RAB31: variants seen among roughly 807,000 people sequenced by gnomAD.
The protein encoded by RAB31 is ras-related protein Rab-31.
A neutral mutation model predicts 25.6 loss-of-function variants in RAB31; 21 were observed. The ratio of observed to expected loss-of-function variants is 0.82; its 90% CI spans 0.58 to 1.18. RAB31 has a LOEUF of 1.18. Among genes scored for constraint, RAB31 ranks in the 50% most tolerant of loss-of-function variants. The pLI is 0.00. For missense variants in RAB31, 196 were observed against 250.1 expected, an observed-to-expected ratio of 0.78 and a Z score of 1.46; for synonymous variants, 87 against 84.0, an observed-to-expected ratio of 1.04 and a Z score of -0.20.
chr18:9,762,262 A>G (rs911019996), intron 1 of RAB31, among the ~76,000 whole-genome samples: 1 of 152,216 alleles, frequency 6.6e-6, no homozygotes, highest in Non-Finnish European at 1.5e-5. Flanking sequence ...GCCTACTGCA[A>G]TTGTCATGAT....
chr18:9,722,802 A>G (rs2068079646), intron 1 of RAB31: 1 of 152,230 alleles, frequency 6.6e-6, no homozygotes, highest in African/African-American at 2.4e-5. Flanking sequence ...GACTCTGGAC[A>G]AGGACAAGGA....
At chr18:9,818,488 A>G (rs770860851) in intron 5 of RAB31, among the ~76,000 whole-genome samples, 3 of 152,162 alleles carry the variant, frequency 2.0e-5, no homozygotes, top group Non-Finnish European at 4.4e-5. Context: ...TTTTGTGACC[A>G]TCTTCTTTCA....
intron 1 of RAB31, among the ~76,000 whole-genome samples, chr18:9,765,575 C>A (rs1475377396): frequency 6.6e-6 from 1 of 152,142 alleles, no homozygotes; most frequent in African/African-American, 2.4e-5. Flanking sequence ...GCATAATTGT[C>A]CCTCTGGTGA....
At chr18:9,716,870 GAGTAGC>G (rs1599009346) in intron 1 of RAB31, among the ~76,000 whole-genome samples, 1 of 144,508 alleles carries the variant, frequency 6.9e-6, no homozygotes, top group Non-Finnish European at 1.5e-5. Flanking sequence ...TCAGCTTCCT[GAGTAGC>G]TGGGACTACA....
At chr18:9,784,117 C>T (rs193045316) in intron 2 of RAB31, among the ~76,000 whole-genome samples, 1 of 152,234 alleles carries the variant, frequency 6.6e-6, no homozygotes, top group Non-Finnish European at 1.5e-5. Flanking sequence ...GCTCACTGTA[C>T]CCTTGACCTC....
chr18:9,736,034 A>T (rs1489152640), intron 1 of RAB31, among the ~76,000 whole-genome samples: 2 of 151,976 alleles, frequency 1.3e-5, no homozygotes, highest in Non-Finnish European at 2.9e-5. Flanking sequence ...ATGGGGTCTC[A>T]CTAGGTTGCC....
intron 1 of RAB31, among the ~76,000 whole-genome samples, chr18:9,714,807 C>T (rs2068035915): frequency 6.6e-6 from 1 of 152,200 alleles, no homozygotes; most frequent in Admixed American, 6.5e-5. Flanking sequence ...GACACGAACA[C>T]ACCAGCAGTG....
chr18:9,832,342 A>C (rs2068682872), intron 5 of RAB31, among the ~76,000 whole-genome samples: 1 of 152,190 alleles, frequency 6.6e-6, no homozygotes, highest in Non-Finnish European at 1.5e-5. Context: ...TGAGCTTCTG[A>C]AAACAAGTGT....
At chr18:9,784,342 A>G (rs1396926423) in intron 2 of RAB31, among the ~76,000 whole-genome samples, 2 of 151,480 alleles carry the variant, frequency 1.3e-5, no homozygotes, top group Admixed American at 1.3e-4. Context: ...GCTCGGCTCT[A>G]CTTTTTAAAA....
chr18:9,755,389 C>T (rs2068255782), intron 1 of RAB31, among the ~76,000 whole-genome samples: 1 of 152,294 alleles, frequency 6.6e-6, no homozygotes, highest in East Asian at 1.9e-4. Context: ...TGCCCTTGGC[C>T]TTACCCTCTG....
intron 1 of RAB31, among the ~76,000 whole-genome samples, chr18:9,731,014 G>A (rs1011609493): frequency 1.3e-5 from 2 of 152,202 alleles, no homozygotes; most frequent in Non-Finnish European, 2.9e-5. Context: ...TACATGCTAA[G>A]TCAGAACCAC....
At chr18:9,721,937 C>T (rs965649204) in intron 1 of RAB31, among the ~76,000 whole-genome samples, 3 of 152,112 alleles carry the variant, frequency 2.0e-5, no homozygotes, top group African/African-American at 7.2e-5. Context: ...AAGGAGGCAT[C>T]TGAGTGAAGA....
At chr18:9,765,440 T>A (rs999651497) in intron 1 of RAB31, among the ~76,000 whole-genome samples, 1 of 152,192 alleles carries the variant, frequency 6.6e-6, no homozygotes. Context: ...AAAAGGAATC[T>A]TATAGAATGG....
chr18:9,854,000 T>C (rs527506245), intron 6 of RAB31, among the ~76,000 whole-genome samples: 15 of 147,752 alleles, frequency 1.0e-4, no homozygotes, highest in South Asian at 4.3e-4. Context: ...CCAGGATACA[T>C]ATGCAGAACA....
At chr18:9,751,521 C>G (rs2068234972) in intron 1 of RAB31, among the ~76,000 whole-genome samples, 1 of 152,202 alleles carries the variant, frequency 6.6e-6, no homozygotes, top group African/African-American at 2.4e-5. Context: ...TGGCTAGAGG[C>G]AGGACTTGGA....
chr18:9,803,360 C>G (rs947785659), intron 3 of RAB31, among the ~76,000 whole-genome samples: 12 of 152,072 alleles, frequency 7.9e-5, no homozygotes, highest in Admixed American at 5.9e-4. Flanking sequence ...CTTAACCTCC[C>G]GAGTAGCTGG....
chr18:9,842,408 C>T (rs1453402196), intron 5 of RAB31, among the ~76,000 whole-genome samples: 1 of 152,126 alleles, frequency 6.6e-6, no homozygotes, highest in Non-Finnish European at 1.5e-5. Flanking sequence ...TCAAGAATAC[C>T]AGAAGACACT....
At chr18:9,819,260 C>T (rs992588702) in intron 5 of RAB31, among the ~76,000 whole-genome samples, 6 of 152,114 alleles carry the variant, frequency 3.9e-5, no homozygotes, top group Admixed American at 6.5e-5. Context: ...ATGTAAGATA[C>T]GGGTCCAAAT....
rs146101581 is a variant in RAB31 at position 9,837,889 on chromosome 18, G to A, written c.381-7693G>A. ...TCTATGGAATGTTGATAATTGGACCGGGAGCTCTCCTGGGCATAAAATGAA... is the reference window on the plus strand; with the variant it reads ...TCTATGGAATGTTGATAATTGGACCAGGAGCTCTCCTGGGCATAAAATGAA... On this transcript the variant is annotated intron_variant, in intron 5 of 6. Transcript: ENST00000578921. Among the ~76,000 whole-genome samples, 828 of 152,194 alleles carry A rather than the reference G, an allele frequency of 5.4e-3. 10 individuals are homozygous for A. Among genetic ancestry groups the A allele is most frequent in the African/African-American group, 0.019 (802 of 41,512 alleles).
Sources: gnomAD v4.1 joint callset for allele counts (sites outside exome capture counted in the v4.1 genomes callset) on GRCh38, gnomAD v4.1.1 for gene constraint, MANE v1.5 for transcripts, NCBI Gene and HGNC (gene_info 2026-07-23, HGNC 2026-07-21) for gene names.